The following TRAPPC10 variants were observed in gnomAD, a reference collection of about 807,000 sequenced individuals.
The protein encoded by TRAPPC10 is trafficking protein particle complex subunit 10.
TRAPPC10 carries 23 observed loss-of-function variants against 125.5 expected under a neutral mutation model. That is an observed-to-expected ratio of 0.18 (90% CI 0.13 to 0.26). The LOEUF is 0.26. Ranked by LOEUF, TRAPPC10 falls within the 10% of genes least tolerant of loss-of-function variation. The pLI, the probability that TRAPPC10 is intolerant of heterozygous loss-of-function variation, is 1.00. For missense variants in TRAPPC10, 1,123 were observed against 1,308.4 expected, an observed-to-expected ratio of 0.86 and a Z score of 2.19; for synonymous variants, 509 against 518.0, an observed-to-expected ratio of 0.98 and a Z score of 0.24.
At chr21:44,071,343 C>CACATA (rs1042307094) in intron 7 of TRAPPC10, among the ~76,000 whole-genome samples, 14 of 152,358 alleles carry the variant, frequency 9.2e-5, no homozygotes, top group Middle Eastern at 3.4e-3. Flanking sequence ...TTGTGCCCTT[C>CACATA]ACATACCTTG....
chr21:44,083,219 G>T lies in TRAPPC10; in HGVS notation c.2155G>T (p.Ala719Ser). ...SSSLEMPSGV[A>S]LEEGAHVLRC... The stretch of plus-strand genomic sequence containing the variant: ...CTCTCTAGAGATGCCCTCAGGGGTG[G>T]CTCTGGAGGAGGGTGCCCACGTGCT... The change falls in exon 14 of 23, where the codon GCT (alanine) becomes TCT (serine). Residue 719 changes from alanine (A) to serine (S), a missense_variant. Physicochemically the swap from Ala to Ser is moderately conservative, Grantham distance 99 (BLOSUM62 1). This residue lies in a region of TRAPPC10 where 840 missense variants were observed against 902.0 expected (regional missense o/e 0.93). Transcript: ENST00000291574. 6.2e-7 allele frequency: 1 copy of T among 1,614,150 alleles called. No individual in the cohort carries two copies. The highest frequency in any genetic ancestry group is 8.5e-7 in the Non-Finnish European group (1 of 1,180,010).
intron 17 of TRAPPC10, chr21:44,089,528 A>T (rs2038426648): frequency 2.0e-6 from 1 of 495,872 alleles, no homozygotes; most frequent in South Asian, 1.5e-5. Flanking sequence ...CGTGTATGGG[A>T]GCAGCAGGTG....
intron 3 of TRAPPC10, among the ~76,000 whole-genome samples, chr21:44,050,619 A>G (rs2035170883): frequency 1.3e-5 from 2 of 152,212 alleles, no homozygotes; most frequent in South Asian, 4.1e-4. Context: ...ATGGTTCACC[A>G]GTGCTGTAAA....
intron 1 of TRAPPC10, among the ~76,000 whole-genome samples, chr21:44,030,987 C>T (rs1053265495): frequency 1.3e-5 from 2 of 152,120 alleles, no homozygotes; most frequent in Non-Finnish European, 2.9e-5. Context: ...CCCATGTCCC[C>T]GAGGCACAGG....
intron 5 of TRAPPC10, 44 bp downstream of exon 5, chr21:44,055,937 C>G: frequency 4.1e-6 from 6 of 1,467,078 alleles, no homozygotes; most frequent in Non-Finnish European, 5.6e-6. Flanking sequence ...TCTCTCCTTC[C>G]CTCCTTTGTT....
Position 44,048,921 on chromosome 21 carries a change from C to T in TRAPPC10, c.286-3359C>T, listed in dbSNP as rs376837682. 4.1e-4 allele frequency among the ~76,000 whole-genome samples: 61 copies of T among 149,384 alleles called. 1 individual carries two copies. The highest frequency in any genetic ancestry group is 1.5e-3 in the African/African-American group (59 of 40,688). ...GCTTTTGATGGAGTGTAATCTATTA[C>T]TATCATAGTATTAATAATTAATATC... is the stretch of plus-strand genomic sequence containing the variant. On this transcript the variant is annotated intron_variant, in intron 3 of 22. Coordinates refer to ENST00000291574, the MANE Select transcript of TRAPPC10 (RefSeq NM_003274.5).
intron 17 of TRAPPC10, 171 bp downstream of exon 17, chr21:44,088,099 A>C: frequency 1.6e-6 from 1 of 639,732 alleles, no homozygotes; most frequent in Non-Finnish European, 2.7e-6. Context: ...TTCTTAGATA[A>C]GGGGTGCATT....
rs1254060007 is a variant in TRAPPC10, at chr21:44,059,876, A to G, written c.790+662A>G. The G allele has an allele frequency of 9.2e-6, 2 of 217,080 alleles. No homozygotes were observed. The highest frequency in any genetic ancestry group is 5.3e-5 in the Admixed American group (1 of 18,788). The allele number at this position is 217,080 out of a possible 1,614,324, so 13.4% of individuals were successfully genotyped here. Reference sequence around the variant, plus strand: ...TGGAGTTGTTTTTGTTACAATTGGTATTCCTGGCTTGATTCCATTACCTGG... The same window carrying G: ...TGGAGTTGTTTTTGTTACAATTGGTGTTCCTGGCTTGATTCCATTACCTGG... On this transcript the variant is annotated intron_variant, in intron 6 of 22. Coordinates refer to ENST00000291574, the MANE Select transcript of TRAPPC10 (RefSeq NM_003274.5). This position sits in a 1 kb window ranked among gnomAD's most constrained non-coding sequence, Gnocchi z 4.4.
intron 3 of TRAPPC10, among the ~76,000 whole-genome samples, chr21:44,045,475 C>G (rs954202071): frequency 5.3e-5 from 8 of 151,978 alleles, no homozygotes; most frequent in African/African-American, 1.7e-4. Flanking sequence ...TCCATTGTTT[C>G]CCATGAGAAA....
chr21:44,077,747 G>A lies in TRAPPC10; in HGVS notation c.1432G>A (p.Ala478Thr). 1 of 1,610,752 alleles carries A rather than the reference G, an allele frequency of 6.2e-7. No individual in the cohort carries two copies. The highest frequency in any genetic ancestry group is 1.1e-5 in the South Asian group (1 of 90,470). Residue 478 changes from alanine to threonine, a missense_variant, in exon 11 of 23, where the codon GCT becomes ACT. Transcript: ENST00000291574. ...TACAAGCATTGGGAGGATTCGATCTGCTAAGTTTGTTGGAAAAGATCTGGC... is the reference window on the plus strand; with the variant it reads ...TACAAGCATTGGGAGGATTCGATCTACTAAGTTTGTTGGAAAAGATCTGGC... Reference protein sequence around the residue: ...MYTSIGRIRSAKFVGKDLAEF... With the variant: ...MYTSIGRIRSTKFVGKDLAEF...
At chr21:44,033,467 G>A (rs1011213368) in intron 2 of TRAPPC10, among the ~76,000 whole-genome samples, 14 of 152,076 alleles carry the variant, frequency 9.2e-5, no homozygotes, top group African/African-American at 3.4e-4. Flanking sequence ...AGAGAAAAGA[G>A]TTTAGCAAAT....
chr21:44,080,646 TC>T (rs2037633462), intron 13 of TRAPPC10, among the ~76,000 whole-genome samples: 1 of 152,006 alleles, frequency 6.6e-6, no homozygotes, highest in African/African-American at 2.4e-5. Flanking sequence ...CAAGCAATTC[TC>T]CTGCCTCAGC....
intron 3 of TRAPPC10, among the ~76,000 whole-genome samples, chr21:44,038,738 C>T (rs1470892634): frequency 1.3e-5 from 2 of 152,076 alleles, no homozygotes; most frequent in Non-Finnish European, 2.9e-5. Context: ...ACATTGTAGC[C>T]TAGACCTGAG....
chr21:44,075,445 T>C (rs2037205495), intron 9 of TRAPPC10, among the ~76,000 whole-genome samples: 1 of 152,118 alleles, frequency 6.6e-6, no homozygotes, highest in Admixed American at 6.5e-5. Context: ...ACTGTCTCTC[T>C]GAATTACAGA....
chr21:44,048,848 T>G (rs1041620850), intron 3 of TRAPPC10, among the ~76,000 whole-genome samples: 1 of 148,644 alleles, frequency 6.7e-6, no homozygotes, highest in Non-Finnish European at 1.5e-5. Context: ...GTAAATCTAG[T>G]CCCTGTCACT....
At chr21:44,046,799 C>A in intron 3 of TRAPPC10, 1 of 537,062 alleles carries the variant, frequency 1.9e-6, no homozygotes, top group Non-Finnish European at 3.5e-6. Flanking sequence ...TAAGCCACCG[C>A]ACCCGGCCAC....
chr21:44,051,260 T>TG, intron 3 of TRAPPC10, among the ~76,000 whole-genome samples: 1 of 152,284 alleles, frequency 6.6e-6, no homozygotes, highest in East Asian at 1.9e-4. Context: ...TCTGCCTGAG[T>TG]GTTACTCAAG....
At chr21:44,039,498 C>T (rs1685911019) in intron 3 of TRAPPC10, among the ~76,000 whole-genome samples, 1 of 152,210 alleles carries the variant, frequency 6.6e-6, no homozygotes. Flanking sequence ...TGGCAGCAGG[C>T]GTGCTTGCTG....
intron 2 of TRAPPC10, among the ~76,000 whole-genome samples, chr21:44,033,945 A>G (rs1601600882): frequency 6.6e-6 from 1 of 152,232 alleles, no homozygotes; most frequent in Non-Finnish European, 1.5e-5. Context: ...AATGGACTAC[A>G]TAAATACTAA....
Sources: allele counts gnomAD v4.1 joint callset (sites outside exome capture counted in the v4.1 genomes callset), GRCh38; gene constraint gnomAD v4.1.1; regional missense constraint gnomAD v4.1.1; non-coding constraint Gnocchi (gnomAD v3.1); transcripts MANE v1.5; gene names NCBI Gene and HGNC (gene_info 2026-07-23, HGNC 2026-07-21).